The following SIGLECL1 variants were observed in gnomAD, a reference collection of about 807,000 sequenced individuals.
SIGLECL1 encodes SIGLEC family-like protein 1.
A neutral mutation model predicts 19.1 loss-of-function variants in SIGLECL1; 16 were observed. The observed-to-expected ratio is 0.84, with a 90% CI of 0.57 to 1.27. The LOEUF (loss-of-function observed/expected upper bound fraction) is 1.27, where lower values mean the gene tolerates loss of function less well. Ranked by LOEUF, SIGLECL1 falls within the 50% of genes most tolerant of loss-of-function variation. The pLI is 0.00. For missense variants in SIGLECL1, 210 were observed against 239.4 expected, an observed-to-expected ratio of 0.88 and a Z score of 0.81; for synonymous variants, 89 against 90.4, an observed-to-expected ratio of 0.98 and a Z score of 0.09.
chr19:51,268,711 C>A lies in SIGLECL1; in HGVS notation c.*114C>A. ...GAGGCTGTAATAAACCTGGAGCCCC[C>A]TGGACTCTCCTCAGCTCACAAAACC... On this transcript the variant is annotated 3_prime_UTR_variant, in exon 6 of 6. Transcript: ENST00000601727. The A allele has an allele frequency of 1.0e-6, 1 of 970,350 alleles. No homozygotes were observed. The highest frequency in any genetic ancestry group is 1.6e-5 in the South Asian group (1 of 62,018). 60.1% of individuals were successfully genotyped at this position (970,350 alleles called of 1,614,324 possible).
rs760648589 is a variant in SIGLECL1, at chr19:51,265,482, TG to T, written c.140del (p.Gly47ValfsTer11). 109 of 1,614,062 alleles carry T rather than the reference TG, an allele frequency of 6.8e-5. No homozygotes were observed. In the Middle Eastern group the frequency reaches 5.5e-3, roughly 81 times the overall value. ...CAGTGGTGGATGGGAGGAGTCCCCG[TG>T]GGTGTGGATGGCATGGATGGCAGCC... ...SVQWWMGGVP[V>X]GVDGMDGSLQ... On this transcript the variant is annotated frameshift_variant, in exon 3 of 6. Transcript: ENST00000601727. LOFTEE classifies it high-confidence loss of function.
At chr19:51,263,334 G>A (rs1198127233) in intron 1 of SIGLECL1, among the ~76,000 whole-genome samples, 3 of 152,118 alleles carry the variant, frequency 2.0e-5, no homozygotes, top group Non-Finnish European at 2.9e-5. Context: ...ATTATACTGT[G>A]GTAGGGAGAT....
chr19:51,263,300 C>A (rs1255271001), intron 1 of SIGLECL1, among the ~76,000 whole-genome samples: 3 of 152,146 alleles, frequency 2.0e-5, no homozygotes, highest in African/African-American at 7.2e-5. Flanking sequence ...TTACACCATT[C>A]ATTTCAAATT....
intron 5 of SIGLECL1, among the ~76,000 whole-genome samples, chr19:51,267,745 A>G (rs1983785816): frequency 6.6e-6 from 1 of 152,228 alleles, no homozygotes; most frequent in African/African-American, 2.4e-5. Flanking sequence ...GAACAATTAA[A>G]ATCAATTTAC....
chr19:51,268,690 C>A lies in SIGLECL1; in HGVS notation c.*93C>A. On this transcript the variant is annotated 3_prime_UTR_variant, in exon 6 of 6. Coordinates refer to ENST00000601727, the MANE Select transcript of SIGLECL1 (RefSeq NM_001385465.1). ...ATAGCGCTCACAGAAACCCTGGAGGCTGTAATAAACCTGGAGCCCCCTGGA... is the reference window on the plus strand; with the variant it reads ...ATAGCGCTCACAGAAACCCTGGAGGATGTAATAAACCTGGAGCCCCCTGGA... The A allele has an allele frequency of 7.5e-7, 1 of 1,327,140 alleles. No individual in the cohort carries two copies. Among genetic ancestry groups the A allele is most frequent in the Non-Finnish European group, 1.1e-6 (1 of 949,804 alleles). The allele number at this position is 1,327,140 out of a possible 1,614,324, so 82.2% of individuals were successfully genotyped here. A position where few individuals can be genotyped will look rare whatever the true frequency, so the allele number is the denominator to read the frequency against.
At chr19:51,252,005 C>A (rs1982517928) in intron 1 of SIGLECL1, among the ~76,000 whole-genome samples, 1 of 151,836 alleles carries the variant, frequency 6.6e-6, no homozygotes, top group South Asian at 2.1e-4. Flanking sequence ...ACATGGTGGT[C>A]AAGGAAAATA....
At chr19:51,249,200 T>G (rs1982358536), upstream of SIGLECL1, among the ~76,000 whole-genome samples, 1 of 152,104 alleles carries the variant, frequency 6.6e-6, no homozygotes, top group Admixed American at 6.6e-5. Context: ...CCTTTCTAAC[T>G]GCACCTTGAA....
chr19:51,262,383 C>G (rs1360898618), intron 1 of SIGLECL1, among the ~76,000 whole-genome samples: 2 of 152,026 alleles, frequency 1.3e-5, no homozygotes, highest in African/African-American at 4.8e-5. Flanking sequence ...AAGAATGTAC[C>G]AAATCTTAAC....
upstream of SIGLECL1, among the ~76,000 whole-genome samples, chr19:51,249,704 A>G (rs1982382482): frequency 6.6e-6 from 1 of 152,178 alleles, no homozygotes; most frequent in African/African-American, 2.4e-5. Flanking sequence ...TATTTAGCAC[A>G]AAGTGTTTTT....
upstream of SIGLECL1, among the ~76,000 whole-genome samples, chr19:51,250,190 G>A (rs577090997): frequency 1.6e-4 from 25 of 152,000 alleles, no homozygotes; most frequent in African/African-American, 5.5e-4. Flanking sequence ...GGATTCAAGC[G>A]ATTCTCCTGC....
At chr19:51,249,016 G>A (rs192341043), upstream of SIGLECL1, among the ~76,000 whole-genome samples, 3,764 of 152,162 alleles carry the variant, frequency 0.025, 170 homozygotes, top group African/African-American at 0.086. Flanking sequence ...ATGGGGTAAT[G>A]TTTGGGAAAG....
intron 2 of SIGLECL1, 128 bp downstream of exon 2, chr19:51,264,222 A>G: frequency 9.4e-7 from 1 of 1,067,172 alleles, no homozygotes; most frequent in Non-Finnish European, 1.4e-6. Context: ...TAAGTACCAA[A>G]TAATCAACAT....
chr19:51,268,006 T>C (rs1371358146), intron 5 of SIGLECL1, among the ~76,000 whole-genome samples: 3 of 152,180 alleles, frequency 2.0e-5, no homozygotes, highest in Non-Finnish European at 4.4e-5. Flanking sequence ...TGTCCGAGGT[T>C]GCTATGCCTC....
intron 1 of SIGLECL1, among the ~76,000 whole-genome samples, chr19:51,263,054 A>G (rs1004838325): frequency 2.0e-5 from 3 of 152,152 alleles, no homozygotes; most frequent in East Asian, 1.9e-4. Context: ...GCGTACCACC[A>G]CACCCAGATA....
Position 51,253,857 on chromosome 19 carries a change from T to A in SIGLECL1, c.-191+2312T>A, listed in dbSNP as rs147387967. Reference sequence around the variant, plus strand: ...CAGTCATAGTACTTTTGTGGATCTCTGCCTTCCTTTTGGAAGTGTTGATAA... The same window carrying A: ...CAGTCATAGTACTTTTGTGGATCTCAGCCTTCCTTTTGGAAGTGTTGATAA... On this transcript the variant is annotated intron_variant, in intron 1 of 5. Transcript: ENST00000601727. Among the ~76,000 whole-genome samples the A allele has an allele frequency of 4.6e-5, 7 of 152,232 alleles. No homozygotes were observed. The East Asian group carries it at 1.3e-3, about 29-fold the overall frequency.
intron 1 of SIGLECL1, among the ~76,000 whole-genome samples, chr19:51,252,063 T>C (rs1297001895): frequency 6.6e-6 from 1 of 152,148 alleles, no homozygotes; most frequent in African/African-American, 2.4e-5. Flanking sequence ...TTTGGGAGGC[T>C]GAGGCCGGGG....
chr19:51,246,786 T>C (rs1004558814), upstream of SIGLECL1, among the ~76,000 whole-genome samples: 1 of 152,116 alleles, frequency 6.6e-6, no homozygotes, highest in Non-Finnish European at 1.5e-5. Flanking sequence ...CAAACAAGTT[T>C]ATTGGGGGTC....
chr19:51,255,898 T>C (rs1982772733), intron 1 of SIGLECL1: 1 of 152,108 alleles, frequency 6.6e-6, no homozygotes, highest in Non-Finnish European at 1.5e-5. Flanking sequence ...AAATTAAAAA[T>C]AGAACTACCA....
intron 1 of SIGLECL1, among the ~76,000 whole-genome samples, chr19:51,254,471 C>A (rs1982682037): frequency 6.6e-6 from 1 of 152,102 alleles, no homozygotes; most frequent in Non-Finnish European, 1.5e-5. Flanking sequence ...GAAAGGAGTA[C>A]TGATATCTGG....
Sources: gnomAD v4.1 joint callset for allele counts (sites outside exome capture counted in the v4.1 genomes callset) on GRCh38, gnomAD v4.1.1 for gene constraint, MANE v1.5 for transcripts, NCBI Gene and HGNC (gene_info 2026-07-23, HGNC 2026-07-21) for gene names.